The following ALDH2 variants were observed in gnomAD, a reference collection of about 807,000 sequenced individuals.
ALDH2 encodes the protein aldehyde dehydrogenase 2 family member.
Under a neutral mutation model 59.6 loss-of-function variants are expected in ALDH2, and 44 were observed. The ratio of observed to expected loss-of-function variants is 0.74; its 90% CI spans 0.58 to 0.95. The LOEUF is 0.95. ALDH2 is among the 40% of genes least tolerant of loss of function. The pLI is 0.00. For missense variants in ALDH2, 570 were observed against 696.3 expected (o/e 0.82, Z 2.04); for synonymous variants, 291 against 284.0 (o/e 1.02, Z -0.25).
At chr12:111,771,895 TCGAGACCAGC>T (rs200346565) in intron 1 of ALDH2, among the ~76,000 whole-genome samples, 2,610 of 152,236 alleles carry the variant, frequency 0.017, 27 homozygotes, top group Middle Eastern at 0.027. Context: ...GCACAGGAGT[TCGAGACCAGC>T]CTGACCAACA....
rs756781003 is a variant in ALDH2 at position 111,799,926 on chromosome 12, G to A, written c.1269G>A (p.Gln423=). Residue 423 remains glutamine (Q), a synonymous_variant, in exon 11 of 13, where the codon CAG becomes CAA. Coordinates refer to ENST00000261733, the MANE Select transcript of ALDH2 (RefSeq NM_000690.4). ...AKEEIFGPVM[Q]ILKFKTIEEV... The stretch of plus-strand genomic sequence containing the variant: ...TCCAGATCTTCGGGCCAGTGATGCA[G>A]ATCCTGAAGTTCAAGACCATAGAGG... 3.7e-6 allele frequency: 6 copies of A among 1,613,972 alleles called. No individual in the cohort carries two copies. The South Asian group carries it at 6.6e-5, about 18-fold the overall frequency.
chr12:111,790,075 G>T, intron 5 of ALDH2, 141 bp downstream of exon 5: 1 of 740,726 alleles, frequency 1.4e-6, no homozygotes, highest in South Asian at 1.8e-5. Flanking sequence ...AGCCAATCCG[G>T]TTTGAGTCTC....
intron 1 of ALDH2, among the ~76,000 whole-genome samples, chr12:111,773,404 C>T (rs80264018): frequency 0.016 from 2,372 of 152,314 alleles, 70 homozygotes; most frequent in African/African-American, 0.054. Context: ...TGAGAATTTA[C>T]ATGTTGTGGA....
chr12:111,782,035 G>A lies in ALDH2; in HGVS notation c.219+13G>A. On this transcript the variant is annotated intron_variant, in intron 2 of 12. Transcript: ENST00000261733. ...TGAAGGGGACAAGGTGAGAACTGGT[G>A]ACTTACCTTGGGGGAGGGATGGATT... 1.3e-6 allele frequency: 2 copies of A among 1,593,834 alleles called. No individual in the cohort carries two copies. The highest frequency in any genetic ancestry group is 2.2e-5 in the South Asian group (2 of 90,612).
intron 11 of ALDH2, among the ~76,000 whole-genome samples, chr12:111,803,173 A>G (rs561559080): frequency 8.8e-4 from 133 of 151,852 alleles, no homozygotes; most frequent in Non-Finnish European, 1.6e-3. Context: ...CAACAGAGTG[A>G]AACTCCATCT....
chr12:111,791,056 A>G (rs2068354809), intron 6 of ALDH2, among the ~76,000 whole-genome samples: 1 of 152,158 alleles, frequency 6.6e-6, no homozygotes, highest in Non-Finnish European at 1.5e-5. Flanking sequence ...CTCAAAAAAC[A>G]AACAAAAACC....
chr12:111,797,313 A>G (rs1271159205), intron 9 of ALDH2, among the ~76,000 whole-genome samples: 1 of 152,198 alleles, frequency 6.6e-6, no homozygotes, highest in Non-Finnish European at 1.5e-5. Context: ...TGATGACAAT[A>G]TACTGGATGC....
At position 111,789,894 on chromosome 12, in the gene ALDH2, C is replaced by T; in HGVS notation, c.512C>T (p.Thr171Ile). 6.2e-7 allele frequency: 1 copy of T among 1,614,208 alleles called. No individual in the cohort carries two copies. The highest frequency in any genetic ancestry group is 8.5e-7 in the Non-Finnish European group (1 of 1,180,034). Residue 171 changes from threonine (T) to isoleucine (I), a missense_variant, in exon 5 of 13, where the codon ACA (threonine) becomes ATA (isoleucine). By Grantham distance (89) the Thr-to-Ile change is moderately conservative (BLOSUM62 -1). Coordinates refer to ENST00000261733, the MANE Select transcript of ALDH2 (RefSeq NM_000690.4). Reference protein sequence around the residue: ...IPIDGDFFSYTRHEPVGVCGQ... With the variant: ...IPIDGDFFSYIRHEPVGVCGQ... Reference sequence around the variant, plus strand: ...ATTGACGGAGACTTCTTCAGCTACACACGCCATGAACCTGTGGGGGTGTGC... The same window carrying T: ...ATTGACGGAGACTTCTTCAGCTACATACGCCATGAACCTGTGGGGGTGTGC...
chr12:111,805,155 T>C (rs2068483998), intron 12 of ALDH2, among the ~76,000 whole-genome samples: 1 of 152,172 alleles, frequency 6.6e-6, no homozygotes, highest in African/African-American at 2.4e-5. Context: ...ATATCATCAA[T>C]ATAAGCCCAA....
In ALDH2 at chr12:111,783,299, G is replaced by A; in HGVS notation, c.360+1G>A. Reference sequence around the variant, plus strand: ...CGAGCGGGACCGGACCTACCTGGCGGTGAGTCCTCAGCCCTTCTCCCCCTC... The same window carrying A: ...CGAGCGGGACCGGACCTACCTGGCGATGAGTCCTCAGCCCTTCTCCCCCTC... On this transcript the variant is annotated splice_donor_variant, in intron 3 of 12. Coordinates refer to ENST00000261733, the MANE Select transcript of ALDH2 (RefSeq NM_000690.4). LOFTEE classifies it high-confidence loss of function. 11 of 1,603,816 alleles carry A rather than the reference G, an allele frequency of 6.9e-6. No individual in the cohort carries two copies. Among genetic ancestry groups the A allele is most frequent in the East Asian group, 2.2e-5 (1 of 44,584 alleles).
intron 11 of ALDH2, among the ~76,000 whole-genome samples, chr12:111,803,652 C>G (rs1261820454): frequency 1.3e-5 from 2 of 151,922 alleles, no homozygotes; most frequent in Non-Finnish European, 2.9e-5. Context: ...AGGAGAATCT[C>G]TTGAACCCCA....
At position 111,810,628 on chromosome 12, in the gene ALDH2, G is replaced by A; in HGVS notation, c.*1053G>A. ...AAATTTTTTTTTTTTTTTTTTTTGA[G>A]ACAGGGTCTTGCTCTGCCATCCAGG... On this transcript the variant is annotated 3_prime_UTR_variant, in exon 13 of 13. Coordinates refer to ENST00000261733, the MANE Select transcript of ALDH2 (RefSeq NM_000690.4). 1 of 144,230 alleles carries A rather than the reference G, an allele frequency of 6.9e-6. No homozygotes were observed. The highest frequency in any genetic ancestry group is 1.5e-5 in the Non-Finnish European group (1 of 66,606). The allele number at this position is 144,230 out of a possible 1,614,324, so 8.9% of individuals were successfully genotyped here.
At chr12:111,788,010 G>A (rs2068324112) in intron 4 of ALDH2, among the ~76,000 whole-genome samples, 1 of 151,872 alleles carries the variant, frequency 6.6e-6, no homozygotes, top group South Asian at 2.1e-4. Context: ...CTGCACTCCA[G>A]CCTGGGCAAC....
intron 4 of ALDH2, among the ~76,000 whole-genome samples, chr12:111,787,401 C>A (rs2068318345): frequency 6.6e-6 from 1 of 152,218 alleles, no homozygotes; most frequent in Non-Finnish European, 1.5e-5. Context: ...TACCTCCATG[C>A]CTGATTCCAG....
Position 111,790,567 on chromosome 12 carries a change from G to A in ALDH2, c.681+5G>A, listed in dbSNP as rs201257394. 5.4e-5 allele frequency: 87 copies of A among 1,613,988 alleles called. 1 individual carries two copies. The highest frequency in any genetic ancestry group is 6.7e-5 in the Non-Finnish European group (79 of 1,180,022). ...GTGGCCAACCTGATCAAGGAGGTGC[G>A]TGGCTTATCCTGGTCTTAACCTCTA... On this transcript the variant is annotated splice_donor_5th_base_variant and intron_variant, in intron 6 of 12. Transcript: ENST00000261733.
At chr12:111,796,793 T>C in intron 9 of ALDH2, among the ~76,000 whole-genome samples, 1 of 152,000 alleles carries the variant, frequency 6.6e-6, no homozygotes, top group East Asian at 1.9e-4. Context: ...GTGGTCCAGC[T>C]ACTCGGGAGA....
At chr12:111,771,660 A>G (rs926667904) in intron 1 of ALDH2, among the ~76,000 whole-genome samples, 19 of 152,230 alleles carry the variant, frequency 1.2e-4, no homozygotes, top group Non-Finnish European at 2.1e-4. Flanking sequence ...TGTTGTATGT[A>G]GATAGACAGA....
chr12:111,790,599 C>T, intron 6 of ALDH2, 37 bp downstream of exon 6: 1 of 1,613,642 alleles, frequency 6.2e-7, no homozygotes, highest in South Asian at 1.1e-5. Flanking sequence ...TCTAAATGCC[C>T]TTGTTGAGGC....
intron 12 of ALDH2, among the ~76,000 whole-genome samples, chr12:111,804,417 CTTCTAGTAAGAATCTT>C (rs1173205345): frequency 9.9e-5 from 15 of 152,158 alleles, no homozygotes; most frequent in Non-Finnish European, 2.9e-5. Flanking sequence ...AGAGGAAAAG[CTTCTAGTAAGAATCTT>C]TTCAGATTTT....
Sources: gnomAD v4.1 joint callset for allele counts (sites outside exome capture counted in the v4.1 genomes callset) on GRCh38, gnomAD v4.1.1 for gene constraint, MANE v1.5 for transcripts, NCBI Gene and HGNC (gene_info 2026-07-23, HGNC 2026-07-21) for gene names.